PRSS27: variants seen among roughly 807,000 people sequenced by gnomAD.
The protein encoded by PRSS27 is channel-activating protease 2.
PRSS27 carries 25 observed loss-of-function variants against 32.0 expected under a neutral mutation model. The ratio of observed to expected loss-of-function variants is 0.78; its 90% CI spans 0.57 to 1.09. PRSS27 has a LOEUF of 1.09. Among genes scored for constraint, PRSS27 ranks in the 50% least tolerant of loss-of-function variants. The probability of loss-of-function intolerance (pLI) is 0.00; values close to 1 mark genes in which losing one functional copy is unlikely to be tolerated. For missense variants in PRSS27, 401 were observed against 394.9 expected, an observed-to-expected ratio of 1.02 and a Z score of -0.13; for synonymous variants, 178 against 172.2, an observed-to-expected ratio of 1.03 and a Z score of -0.26.
Position 2,714,170 on chromosome 16 carries a change from G to GAGGATGT in PRSS27, c.402_403insACATCCT (p.Pro135ThrfsTer15). ...ACGGGGAGGATGTAATTGGTGAAGG[G>GAGGATGT]CACTGGTGCCTCCAGCTCCACCAGG... On this transcript the variant is annotated frameshift_variant, in exon 4 of 6. Coordinates refer to ENST00000302641, the MANE Select transcript of PRSS27 (RefSeq NM_031948.5). LOFTEE classifies it high-confidence loss of function. The surrounding 1 kb of genome is among the most constrained non-coding windows in gnomAD (Gnocchi z 4.7). The GAGGATGT allele has an allele frequency of 6.2e-7, 1 of 1,614,058 alleles. No homozygotes were observed. Among genetic ancestry groups the GAGGATGT allele is most frequent in the Non-Finnish European group, 8.5e-7 (1 of 1,180,034 alleles).
Position 2,714,804 on chromosome 16 carries a change from C to A in PRSS27, c.237-468G>T, listed in dbSNP as rs749699926. The A allele has an allele frequency of 5.4e-6, 1 of 184,630 alleles. No homozygotes were observed. Among genetic ancestry groups the A allele is most frequent in the Non-Finnish European group, 1.1e-5 (1 of 88,392 alleles). The allele number at this position is 184,630 out of a possible 1,614,324, so 11.4% of individuals were successfully genotyped here. On this transcript the variant is annotated intron_variant, in intron 3 of 5. Transcript: ENST00000302641. The surrounding 1 kb of genome is among the most constrained non-coding windows in gnomAD (Gnocchi z 4.7). ...CCCAGGCTGGAGTGCAGCAGTGCAA[C>A]TGTAGCTCACTGCAGCCTCCAACTC...
intron 1 of PRSS27, among the ~76,000 whole-genome samples, chr16:2,718,750 C>A (rs890108766): frequency 3.9e-5 from 6 of 152,218 alleles, no homozygotes; most frequent in Non-Finnish European, 7.3e-5. Flanking sequence ...GATGGGAGCT[C>A]TGTCTACATC....
chr16:2,714,394 G>C lies in PRSS27; in HGVS notation c.237-58C>G, dbSNP rs2142065710. On this transcript the variant is annotated intron_variant, in intron 3 of 5. Transcript: ENST00000302641. The surrounding 1 kb of genome is among the most constrained non-coding windows in gnomAD (Gnocchi z 4.7). ...GGCCCCTCGTGTGGGGACAGGCCCGGGAGGGGCTGGGGCTCCTCTGGCCAC... is the reference window on the plus strand; with the variant it reads ...GGCCCCTCGTGTGGGGACAGGCCCGCGAGGGGCTGGGGCTCCTCTGGCCAC... 1 of 1,584,372 alleles carries C rather than the reference G, an allele frequency of 6.3e-7. No homozygotes were observed. Among genetic ancestry groups the C allele is most frequent in the East Asian group, 2.3e-5 (1 of 44,336 alleles).
chr16:2,714,306 C>G lies in PRSS27; in HGVS notation c.267G>C (p.Leu89=), dbSNP rs745550105. ...NTSETSLYQV[L]LGARQLVQPG... ...GCTGCACTAGCTGCCTTGCCCCCAG[C>G]AGGACCTGGTACAGGGACGTCTCAG... The change falls in exon 4 of 6, where the codon CTG becomes CTC. Residue 89 remains leucine (L), a synonymous_variant. Transcript: ENST00000302641. This position sits in a 1 kb window ranked among gnomAD's most constrained non-coding sequence, Gnocchi z 4.7. 5.0e-6 allele frequency: 8 copies of G among 1,613,142 alleles called. No individual in the cohort carries two copies. The Admixed American group carries it at 1.0e-4, about 20-fold the overall frequency.
rs2067684123 is a variant in PRSS27, at chr16:2,714,057, C to T, written c.508+8G>A. 6.2e-7 allele frequency: 1 copy of T among 1,600,732 alleles called. No individual in the cohort carries two copies. Among genetic ancestry groups the T allele is most frequent in the Non-Finnish European group, 8.5e-7 (1 of 1,172,270 alleles). ...ATCCCCCATTCTTTCCCAGCCCTGTCCCCTTACCTTCCTCACTGGGGCTGC... is the reference window on the plus strand; with the variant it reads ...ATCCCCCATTCTTTCCCAGCCCTGTTCCCTTACCTTCCTCACTGGGGCTGC... On this transcript the variant is annotated splice_region_variant and intron_variant, in intron 4 of 5. Transcript: ENST00000302641. This position sits in a 1 kb window ranked among gnomAD's most constrained non-coding sequence, Gnocchi z 4.7.
At position 2,714,928 on chromosome 16, in the gene PRSS27, T is replaced by A. The variant is rs1052863196; in HGVS notation, c.237-592A>T. 2 of 154,184 alleles carry A rather than the reference T, an allele frequency of 1.3e-5. No individual in the cohort carries two copies. The highest frequency in any genetic ancestry group is 4.8e-5 in the African/African-American group (2 of 41,364). The allele number at this position is 154,184 out of a possible 1,614,324, so 9.6% of individuals were successfully genotyped here. ...TTTTGTTTGTTTGTTTTTTGTTTTT[T>A]AATTTTTTTTTATTTTTAGTAGAGA... On this transcript the variant is annotated intron_variant, in intron 3 of 5. Transcript: ENST00000302641. The surrounding 1 kb of genome is among the most constrained non-coding windows in gnomAD (Gnocchi z 4.7).
Position 2,713,550 on chromosome 16 carries a change from C to G in PRSS27, c.657G>C (p.Glu219Asp). The change falls in exon 5 of 6, where the codon GAG becomes GAC. Residue 219 changes from glutamate to aspartate, a missense_variant. Transcript: ENST00000302641. ...KNDMLCAGFE[E>D]GKKDACKGDS... Reference sequence around the variant, plus strand: ...CCACCTTGCAGGCATCCTTCTTGCCCTCCTCGAAGCCGGCGCACAGCATGT... The same window carrying G: ...CCACCTTGCAGGCATCCTTCTTGCCGTCCTCGAAGCCGGCGCACAGCATGT... 6.2e-7 allele frequency: 1 copy of G among 1,614,250 alleles called. No individual in the cohort carries two copies. Among genetic ancestry groups the G allele is most frequent in the Non-Finnish European group, 8.5e-7 (1 of 1,180,044 alleles).
chr16:2,719,091 C>T lies in PRSS27; in HGVS notation c.46+1024G>A, dbSNP rs150584551. 4.9e-3 allele frequency among the ~76,000 whole-genome samples: 752 copies of T among 152,298 alleles called. 7 individuals are homozygous for T. The highest frequency in any genetic ancestry group is 0.017 in the African/African-American group (711 of 41,556). ...GCCACCCTCGGGCTGGGAGTGAGGA[C>T]GTGTCCAGGAGTCCAGCCTCTGGTC... On this transcript the variant is annotated intron_variant, in intron 1 of 5. Coordinates refer to ENST00000302641, the MANE Select transcript of PRSS27 (RefSeq NM_031948.5).
Position 2,714,462 on chromosome 16 carries a change from C to T in PRSS27, c.237-126G>A. 9.0e-7 allele frequency: 1 copy of T among 1,106,190 alleles called. No individual in the cohort carries two copies. The highest frequency in any genetic ancestry group is 1.5e-5 in the African/African-American group (1 of 64,732). 68.5% of individuals were successfully genotyped at this position (1,106,190 alleles called of 1,614,324 possible). On this transcript the variant is annotated intron_variant, in intron 3 of 5. Coordinates refer to ENST00000302641, the MANE Select transcript of PRSS27 (RefSeq NM_031948.5). This position sits in a 1 kb window ranked among gnomAD's most constrained non-coding sequence, Gnocchi z 4.7. ...CTCTCTGCACAATGTCTTCGAGAGT[C>T]ATCTCTAGGACAGCCAGGTGCAGCG...
Position 2,712,891 on chromosome 16 carries a change from G to T in PRSS27, c.679-77C>A. ...TCAGTTGCAGCCGCACAGGAGGTGT[G>T]TAGCTCCGCAATGGATTCCTTCTCT... On this transcript the variant is annotated intron_variant, in intron 5 of 5. Coordinates refer to ENST00000302641, the MANE Select transcript of PRSS27 (RefSeq NM_031948.5). The surrounding 1 kb of genome is among the most constrained non-coding windows in gnomAD (Gnocchi z 4.6). The T allele has an allele frequency of 8.5e-7, 1 of 1,176,988 alleles. No individual in the cohort carries two copies. Among genetic ancestry groups the T allele is most frequent in the East Asian group, 2.6e-5 (1 of 38,340 alleles). The allele number at this position is 1,176,988 out of a possible 1,614,324, so 72.9% of individuals were successfully genotyped here.
intron 1 of PRSS27, among the ~76,000 whole-genome samples, chr16:2,718,960 C>G (rs919420928): frequency 6.6e-6 from 1 of 151,772 alleles, no homozygotes; most frequent in Non-Finnish European, 1.5e-5. Flanking sequence ...CCAGGGGTGC[C>G]GGGGGTGTCA....
rs751343026 is a variant in PRSS27, at chr16:2,714,270, G to T, written c.303C>A (p.His101Gln). The T allele has an allele frequency of 1.2e-6, 2 of 1,613,426 alleles. No homozygotes were observed. Among genetic ancestry groups the T allele is most frequent in the South Asian group, 2.2e-5 (2 of 91,020 alleles). ...GARQLVQPGP[H>Q]AMYARVRQVE... ...CCTGCCTCACCCGGGCATACATAGCGTGTGGTCCCGGCTGCACTAGCTGCC... is the reference window on the plus strand; with the variant it reads ...CCTGCCTCACCCGGGCATACATAGCTTGTGGTCCCGGCTGCACTAGCTGCC... The change falls in exon 4 of 6, where the codon CAC becomes CAA. Residue 101 changes from histidine to glutamine, a missense_variant. Physicochemically the swap from His to Gln is conservative, Grantham distance 24 (BLOSUM62 0). Coordinates refer to ENST00000302641, the MANE Select transcript of PRSS27 (RefSeq NM_031948.5). The surrounding 1 kb of genome is among the most constrained non-coding windows in gnomAD (Gnocchi z 4.7).
chr16:2,715,969 G>A (rs2067699942), intron 2 of PRSS27, 89 bp from the exon 3 acceptor site: 3 of 1,200,556 alleles, frequency 2.5e-6, no homozygotes, highest in African/African-American at 1.5e-5. Context: ...TCCAGTCCTC[G>A]GCCCTCCTGC....
rs374516331 is a variant in PRSS27 at position 2,714,361 on chromosome 16, C to T, written c.237-25G>A. 85 of 1,607,170 alleles carry T rather than the reference C, an allele frequency of 5.3e-5. No homozygotes were observed. Among genetic ancestry groups the T allele is most frequent in the Middle Eastern group, 1.6e-4 (1 of 6,080 alleles). On this transcript the variant is annotated intron_variant, in intron 3 of 5. Coordinates refer to ENST00000302641, the MANE Select transcript of PRSS27 (RefSeq NM_031948.5). This position sits in a 1 kb window ranked among gnomAD's most constrained non-coding sequence, Gnocchi z 4.7. The stretch of plus-strand genomic sequence containing the variant: ...GCTGGCGGGAGAAACAGAGAGGCGG[C>T]GTGAGGCGGCCCCTCGTGTGGGGAC...
At chr16:2,716,451 C>A (rs565023798) in intron 2 of PRSS27, 49 bp downstream of exon 2, 4 of 1,570,230 alleles carry the variant, frequency 2.5e-6, no homozygotes, top group Admixed American at 3.6e-5. Flanking sequence ...GTCCCTGGCT[C>A]AGTCCAGCCG....
At position 2,715,699 on chromosome 16, in the gene PRSS27, C is replaced by A; in HGVS notation, c.236+19G>T. On this transcript the variant is annotated intron_variant, in intron 3 of 5. Transcript: ENST00000302641. ...GCGCTGTCAGCGCTATGGGCGGGGG[C>A]AGGGGCGGGCGGACTCACTTGCGGA... 1 of 1,512,574 alleles carries A rather than the reference C, an allele frequency of 6.6e-7. No homozygotes were observed. The highest frequency in any genetic ancestry group is 8.8e-7 in the Non-Finnish European group (1 of 1,132,538). The allele number at this position is 1,512,574 out of a possible 1,614,324, so 93.7% of individuals were successfully genotyped here.
rs1400834263 is a variant in PRSS27, at chr16:2,717,987, CTAAT to C, written c.47-1465_47-1462del. ...TGGATGCTCTGCTCATTAATTTGTG[CTAAT>C]TAAGTGCCCTTTAAAATGCAAACAC... On this transcript the variant is annotated intron_variant, in intron 1 of 5. Transcript: ENST00000302641. This position sits in a 1 kb window ranked among gnomAD's most constrained non-coding sequence, Gnocchi z 4.1. 4 of 152,176 alleles carry C rather than the reference CTAAT, an allele frequency of 2.6e-5. No homozygotes were observed. Among genetic ancestry groups the C allele is most frequent in the Non-Finnish European group, 5.9e-5 (4 of 68,060 alleles). The allele number at this position is 152,176 out of a possible 1,614,324, so 9.4% of individuals were successfully genotyped here. A position where few individuals can be genotyped will look rare whatever the true frequency, so the allele number is the denominator to read the frequency against.
At position 2,715,930 on chromosome 16, in the gene PRSS27, T is replaced by C. The variant is rs766578271; in HGVS notation, c.74-50A>G. 15 of 1,456,070 alleles carry C rather than the reference T, an allele frequency of 1.0e-5. No individual in the cohort carries two copies. The East Asian group carries it at 3.1e-4, about 31-fold the overall frequency. The allele number at this position is 1,456,070 out of a possible 1,614,324, so 90.2% of individuals were successfully genotyped here. ...GGGGCGCTCACTGGGGCTGGTTCCA[T>C]GGCCGAGGCCCAGCTCTCAGCCTCA... is the stretch of plus-strand genomic sequence containing the variant. On this transcript the variant is annotated intron_variant, in intron 2 of 5. Coordinates refer to ENST00000302641, the MANE Select transcript of PRSS27 (RefSeq NM_031948.5).
At position 2,712,572 on chromosome 16, in the gene PRSS27, C is replaced by T. The variant is rs368150205; in HGVS notation, c.*48G>A. ...GGACCAGCAGGATGGTGTGGGCGGGCAGGCTGGGTGCAGAGCTCTGCTCAA... is the reference window on the plus strand; with the variant it reads ...GGACCAGCAGGATGGTGTGGGCGGGTAGGCTGGGTGCAGAGCTCTGCTCAA... On this transcript the variant is annotated 3_prime_UTR_variant, in exon 6 of 6. Coordinates refer to ENST00000302641, the MANE Select transcript of PRSS27 (RefSeq NM_031948.5). The surrounding 1 kb of genome is among the most constrained non-coding windows in gnomAD (Gnocchi z 4.6). The T allele has an allele frequency of 4.0e-5, 60 of 1,505,250 alleles. No homozygotes were observed. Among genetic ancestry groups the T allele is most frequent in the Non-Finnish European group, 5.0e-5 (56 of 1,113,518 alleles). The allele number at this position is 1,505,250 out of a possible 1,614,324, so 93.2% of individuals were successfully genotyped here. A position where few individuals can be genotyped will look rare whatever the true frequency, so the allele number is the denominator to read the frequency against.
Sources: gnomAD v4.1 joint callset for allele counts (sites outside exome capture counted in the v4.1 genomes callset) on GRCh38, gnomAD v4.1.1 for gene constraint, Gnocchi (gnomAD v3.1) non-coding constraint, MANE v1.5 for transcripts, NCBI Gene and HGNC (gene_info 2026-07-23, HGNC 2026-07-21) for gene names.